GRIA4: variants seen among roughly 807,000 people sequenced by gnomAD.
The protein encoded by GRIA4 is glutamate ionotropic receptor AMPA type subunit 4, also known as glutamate receptor 4.
Under a neutral mutation model 104.0 loss-of-function variants are expected in GRIA4, and 34 were observed. That is an observed-to-expected ratio of 0.33 (90% confidence interval 0.25 to 0.44). The LOEUF (loss-of-function observed/expected upper bound fraction) is 0.44, where lower values mean the gene tolerates loss of function less well. Ranked by LOEUF, GRIA4 falls within the 20% of genes least tolerant of loss-of-function variation. The pLI is 1.00. For missense variants in GRIA4, 750 were observed against 1,096.5 expected, an observed-to-expected ratio of 0.68 and a Z score of 4.46; for synonymous variants, 386 against 381.9, an observed-to-expected ratio of 1.01 and a Z score of -0.13.
chr11:105,892,735 C>T (rs1055330728), intron 6 of GRIA4, among the ~76,000 whole-genome samples: 18 of 152,066 alleles, frequency 1.2e-4, no homozygotes, highest in African/African-American at 4.3e-4. Context: ...CTGACTCTAC[C>T]ATCTATCTAC....
At position 105,611,152 on chromosome 11, in the gene GRIA4, G is replaced by C. The variant is rs1236598023; in HGVS notation, c.88+67G>C. On this transcript the variant is annotated intron_variant, in intron 2 of 16. Coordinates refer to ENST00000282499, the MANE Select transcript of GRIA4 (RefSeq NM_000829.4). Reference sequence around the variant, plus strand: ...GCAGATATCCGAAAGTGAGTTAAATGAGTTGCTGATAAGCAATTCAGGGAA... The same window carrying C: ...GCAGATATCCGAAAGTGAGTTAAATCAGTTGCTGATAAGCAATTCAGGGAA... The C allele has an allele frequency of 9.8e-6, 11 of 1,120,606 alleles. No individual in the cohort carries two copies. The African/African-American group carries it at 1.7e-4, about 17-fold the overall frequency. The allele number at this position is 1,120,606 out of a possible 1,614,324, so 69.4% of individuals were successfully genotyped here. A position where few individuals can be genotyped will look rare whatever the true frequency, so the allele number is the denominator to read the frequency against.
At position 105,769,356 on chromosome 11, in the gene GRIA4, G is replaced by C. The variant is rs546545118; in HGVS notation, c.487+16136G>C. On this transcript the variant is annotated intron_variant, in intron 4 of 16. Coordinates refer to ENST00000282499, the MANE Select transcript of GRIA4 (RefSeq NM_000829.4). ...CTTCAGAAAGGGTAATATTTGGGCT[G>C]AGTAGATCTTAAAGACTAAGATTTC... 3.9e-5 allele frequency among the ~76,000 whole-genome samples: 6 copies of C among 152,180 alleles called. No homozygotes were observed. In the South Asian group the frequency reaches 1.0e-3, roughly 26 times the overall value.
At chr11:105,740,718 T>C (rs1042292393) in intron 3 of GRIA4, among the ~76,000 whole-genome samples, 2 of 152,148 alleles carry the variant, frequency 1.3e-5, no homozygotes, top group Non-Finnish European at 2.9e-5. Context: ...GACAGTTTTG[T>C]TGAGAAAAGA....
chr11:105,889,102 G>GA (rs914002306), intron 6 of GRIA4, among the ~76,000 whole-genome samples: 3 of 151,900 alleles, frequency 2.0e-5, no homozygotes, highest in African/African-American at 4.8e-5. Flanking sequence ...GAATTGAGGG[G>GA]AAAAAAATCA....
chr11:105,883,291 T>A (rs973347218), intron 5 of GRIA4, among the ~76,000 whole-genome samples: 5 of 149,576 alleles, frequency 3.3e-5, no homozygotes, highest in East Asian at 4.1e-4. Context: ...TTTTTTTTTT[T>A]AATACTTTTA....
intron 16 of GRIA4, among the ~76,000 whole-genome samples, chr11:105,977,347 GTGAGTGGTTTGGAGACTC>G (rs1380809758): frequency 3.0e-4 from 45 of 152,098 alleles, no homozygotes; most frequent in African/African-American, 9.9e-4. Flanking sequence ...TAAACAAGAG[GTGAGTGGTTTGGAGACTC>G]TGAGTGGTTT....
intron 4 of GRIA4, chr11:105,797,912 T>C (rs1321180204): frequency 2.4e-6 from 1 of 415,958 alleles, no homozygotes; most frequent in South Asian, 1.7e-5. Context: ...GGAAATTACA[T>C]ACATTTTTGG....
chr11:105,840,934 AG>A, intron 4 of GRIA4, among the ~76,000 whole-genome samples: 1 of 152,316 alleles, frequency 6.6e-6, no homozygotes. Flanking sequence ...TAAATCCTCA[AG>A]AACTTTGCTC....
intron 3 of GRIA4, among the ~76,000 whole-genome samples, chr11:105,723,452 C>T (rs934052441): frequency 6.6e-6 from 1 of 151,674 alleles, no homozygotes; most frequent in Non-Finnish European, 1.5e-5. Flanking sequence ...TGTAAAATAA[C>T]GATTGGTCAG....
At chr11:105,863,286 C>T (rs1173448754) in intron 5 of GRIA4, among the ~76,000 whole-genome samples, 1 of 151,680 alleles carries the variant, frequency 6.6e-6, no homozygotes, top group Non-Finnish European at 1.5e-5. Context: ...TAAAAGAAAA[C>T]AAACAAACAA....
At chr11:105,667,424 A>G (rs1056538766) in intron 3 of GRIA4, among the ~76,000 whole-genome samples, 1 of 151,968 alleles carries the variant, frequency 6.6e-6, no homozygotes, top group Non-Finnish European at 1.5e-5. Context: ...AATAGCTCAA[A>G]AAGAAATGAA....
At chr11:105,688,518 G>A (rs929796009) in intron 3 of GRIA4, among the ~76,000 whole-genome samples, 2 of 152,088 alleles carry the variant, frequency 1.3e-5, no homozygotes, top group Admixed American at 6.6e-5. Flanking sequence ...AGCCGAGATC[G>A]TGCCACTGCA....
At chr11:105,733,276 G>A (rs947889493) in intron 3 of GRIA4, among the ~76,000 whole-genome samples, 6 of 152,190 alleles carry the variant, frequency 3.9e-5, no homozygotes, top group Admixed American at 1.3e-4. Flanking sequence ...GTCAGTATAC[G>A]TATATACATA....
intron 4 of GRIA4, among the ~76,000 whole-genome samples, chr11:105,781,483 A>G (rs890409863): frequency 2.6e-5 from 4 of 152,166 alleles, no homozygotes; most frequent in Non-Finnish European, 4.4e-5. Flanking sequence ...ACGTTTCTAC[A>G]TAAGTAAATT....
intron 4 of GRIA4, among the ~76,000 whole-genome samples, chr11:105,810,686 G>T (rs1001321580): frequency 6.6e-6 from 1 of 152,132 alleles, no homozygotes; most frequent in Non-Finnish European, 1.5e-5. Context: ...TTCCTCCTGA[G>T]ATACAGCTGA....
chr11:105,956,997 T>G (rs1194648432), intron 14 of GRIA4, among the ~76,000 whole-genome samples: 5 of 152,218 alleles, frequency 3.3e-5, no homozygotes, highest in Non-Finnish European at 7.3e-5. Context: ...TCTTTGTAGA[T>G]TCTGGATATT....
intron 3 of GRIA4, chr11:105,613,852 C>G (rs1950536600): frequency 6.6e-6 from 1 of 151,884 alleles, no homozygotes; most frequent in Non-Finnish European, 1.5e-5. Flanking sequence ...TTAAAAATCT[C>G]TTGACATATT....
chr11:105,776,753 G>A (rs1054483016), intron 4 of GRIA4, among the ~76,000 whole-genome samples: 1 of 152,134 alleles, frequency 6.6e-6, no homozygotes, highest in Non-Finnish European at 1.5e-5. Context: ...ACATAGCAGA[G>A]AGCCAGATGT....
chr11:105,867,819 C>A (rs1387136269), intron 5 of GRIA4, among the ~76,000 whole-genome samples: 1 of 152,166 alleles, frequency 6.6e-6, no homozygotes, highest in African/African-American at 2.4e-5. Context: ...TTGGAGATAA[C>A]AGCTTTGATT....
Sources: allele counts gnomAD v4.1 joint callset (sites outside exome capture counted in the v4.1 genomes callset), GRCh38; gene constraint gnomAD v4.1.1; transcripts MANE v1.5; gene names NCBI Gene and HGNC (gene_info 2026-07-23, HGNC 2026-07-21).